TMEM117: variants seen among roughly 807,000 people sequenced by gnomAD.
TMEM117 encodes the protein transmembrane protein 117.
Under a neutral mutation model 52.4 loss-of-function variants are expected in TMEM117, and 27 were observed. The observed-to-expected ratio is 0.51, with a 90% confidence interval of 0.38 to 0.71. The LOEUF (loss-of-function observed/expected upper bound fraction) is 0.71. Among genes scored for constraint, TMEM117 ranks in the 30% least tolerant of loss-of-function variants. The probability of loss-of-function intolerance (pLI) is 0.00; values close to 1 mark genes in which losing one functional copy is unlikely to be tolerated. For synonymous variants in TMEM117, 215 were observed against 206.3 expected (o/e 1.04, Z -0.36); for missense variants, 556 against 630.5 (o/e 0.88, Z 1.26).
chr12:44,174,397 T>A (rs1028339986), intron 4 of TMEM117, among the ~76,000 whole-genome samples: 2 of 152,204 alleles, frequency 1.3e-5, no homozygotes, highest in Admixed American at 1.3e-4. Flanking sequence ...CAAAAATATT[T>A]ACTATCCAGT....
intron 3 of TMEM117, among the ~76,000 whole-genome samples, chr12:44,089,105 T>A (rs1947620443): frequency 1.3e-5 from 2 of 152,110 alleles, no homozygotes; most frequent in Non-Finnish European, 2.9e-5. Flanking sequence ...ATGAAGACAA[T>A]ATGGATCACA....
intron 6 of TMEM117, among the ~76,000 whole-genome samples, chr12:44,360,382 C>A (rs1239782133): frequency 2.6e-5 from 4 of 151,888 alleles, no homozygotes; most frequent in Non-Finnish European, 5.9e-5. Flanking sequence ...GCATTTTAGA[C>A]CAGCCAACAT....
chr12:44,116,723 C>G (rs1323764882), intron 3 of TMEM117, among the ~76,000 whole-genome samples: 2 of 152,224 alleles, frequency 1.3e-5, no homozygotes, highest in Admixed American at 1.3e-4. Context: ...ACTGGGTCAC[C>G]AGTTGCTGAA....
intron 2 of TMEM117, among the ~76,000 whole-genome samples, chr12:43,927,624 A>G (rs762392212): frequency 4.0e-5 from 6 of 151,870 alleles, no homozygotes; most frequent in East Asian, 1.9e-4. Flanking sequence ...AAATCATTCT[A>G]TTTACCTGGA....
intron 3 of TMEM117, among the ~76,000 whole-genome samples, chr12:43,966,888 C>T (rs760677954): frequency 1.3e-5 from 2 of 152,130 alleles, no homozygotes; most frequent in Non-Finnish European, 2.9e-5. Flanking sequence ...ATGAACTCTA[C>T]TTTTCTTAAG....
chr12:44,208,748 T>TTTG lies in TMEM117; in HGVS notation c.511-2542_511-2541insTTG, dbSNP rs869162290. Among the ~76,000 whole-genome samples, 4 of 89,610 alleles carry TTTG rather than the reference T, an allele frequency of 4.5e-5. No individual in the cohort carries two copies. The Admixed American group carries it at 4.9e-4, about 11-fold the overall frequency. 58.8% of individuals were successfully genotyped at this position (89,610 alleles called of 152,430 possible). A position where few individuals can be genotyped will look rare whatever the true frequency, so the allele number is the denominator to read the frequency against. ...ATGTTTTTTTTTTTTTTTTTTTTTT[T>TTTG]GCTTCATCTAACCATTTTCCTGAGA... On this transcript the variant is annotated intron_variant, in intron 4 of 7. Transcript: ENST00000266534.
intron 3 of TMEM117, among the ~76,000 whole-genome samples, chr12:44,056,879 A>G (rs1167930918): frequency 6.6e-6 from 1 of 152,182 alleles, no homozygotes; most frequent in African/African-American, 2.4e-5. Flanking sequence ...AGATGAAGAA[A>G]CTGAGGCACA....
chr12:43,866,802 A>G (rs1256782867), intron 2 of TMEM117, among the ~76,000 whole-genome samples: 3 of 152,166 alleles, frequency 2.0e-5, no homozygotes, highest in Non-Finnish European at 1.5e-5. Flanking sequence ...AAAAGACAAA[A>G]ATGTTTAGGT....
In TMEM117 at chr12:44,388,225, T is replaced by A. The variant is rs1432213145; in HGVS notation, c.1098T>A (p.Thr366=). The A allele has an allele frequency of 1.2e-6, 2 of 1,613,396 alleles. No homozygotes were observed. ...KLSWEWRSNH[T]NPRTNKTYVE... The stretch of plus-strand genomic sequence containing the variant: ...CCTGGGAATGGAGGTCCAATCACAC[T>A]AACCCTCGGACTAATAAAACATATG... Residue 366 remains threonine, a synonymous_variant, in exon 8 of 8, where the codon ACT becomes ACA. Transcript: ENST00000266534.
chr12:44,351,470 G>A (rs1467618167), intron 6 of TMEM117, among the ~76,000 whole-genome samples: 1 of 151,746 alleles, frequency 6.6e-6, no homozygotes, highest in African/African-American at 2.4e-5. Context: ...ATGTTTTCTT[G>A]TACTAGTTTC....
At chr12:44,130,045 A>G (rs1948389011) in intron 3 of TMEM117, among the ~76,000 whole-genome samples, 1 of 152,224 alleles carries the variant, frequency 6.6e-6, no homozygotes, top group Non-Finnish European at 1.5e-5. Context: ...CAACATAAAA[A>G]TAATTTTCTC....
the TMEM117 span, chr12:43,806,297 G>A: frequency 9.7e-6 from 14 of 1,437,674 alleles, no homozygotes; most frequent in Middle Eastern, 2.4e-4. Context: ...CAGCGGCCCC[G>A]GCCGGCGGCC....
intron 4 of TMEM117, among the ~76,000 whole-genome samples, chr12:44,195,139 A>G (rs905471474): frequency 1.3e-5 from 2 of 152,204 alleles, no homozygotes; most frequent in African/African-American, 4.8e-5. Context: ...CATAAATCTG[A>G]AATCAATTAT....
At chr12:43,906,862 C>G (rs951627428) in intron 2 of TMEM117, among the ~76,000 whole-genome samples, 3 of 152,230 alleles carry the variant, frequency 2.0e-5, no homozygotes, top group Non-Finnish European at 4.4e-5. Context: ...CGGAGTCTCG[C>G]TGATTGCTAG....
intron 5 of TMEM117, among the ~76,000 whole-genome samples, chr12:44,226,931 A>G (rs1949869408): frequency 6.6e-6 from 1 of 152,126 alleles, no homozygotes; most frequent in South Asian, 2.1e-4. Flanking sequence ...ATACATGTGT[A>G]ATATAAATAC....
intron 4 of TMEM117, among the ~76,000 whole-genome samples, chr12:44,200,519 T>C (rs1949481150): frequency 6.6e-6 from 1 of 152,160 alleles, no homozygotes; most frequent in Non-Finnish European, 1.5e-5. Context: ...TGATATATGC[T>C]CAAATTTGCC....
intron 4 of TMEM117, among the ~76,000 whole-genome samples, chr12:44,203,095 T>TTTGTTGTTGTTGTTGTTGTTG (rs58933565): frequency 7.9e-5 from 12 of 151,500 alleles, no homozygotes; most frequent in African/African-American, 2.4e-4. Context: ...ACACATGGCC[T>TTTGTTGTTGTTGTTGTTGTTG]TTGTTGTTGT....
intron 4 of TMEM117, among the ~76,000 whole-genome samples, chr12:44,211,021 G>A (rs563438853): frequency 1.4e-4 from 22 of 152,206 alleles, no homozygotes; most frequent in Middle Eastern, 3.4e-3. Context: ...CTATGGTACT[G>A]TCTTATATCC....
chr12:44,016,511 T>C (rs1336194589), intron 3 of TMEM117, among the ~76,000 whole-genome samples: 2 of 152,188 alleles, frequency 1.3e-5, no homozygotes, highest in Non-Finnish European at 2.9e-5. Flanking sequence ...AATTACTGTT[T>C]TGGGATTATT....
Sources: allele counts gnomAD v4.1 joint callset (sites outside exome capture counted in the v4.1 genomes callset), GRCh38; gene constraint gnomAD v4.1.1; transcripts MANE v1.5; gene names NCBI Gene and HGNC (gene_info 2026-07-23, HGNC 2026-07-21).